The following KHDRBS2 variants were observed in gnomAD, a reference collection of about 807,000 sequenced individuals.
KHDRBS2 encodes the protein KH domain-containing, RNA-binding, signal transduction-associated protein 2.
Under a neutral mutation model 44.3 loss-of-function variants are expected in KHDRBS2, and 26 were observed. The ratio of observed to expected loss-of-function variants is 0.59; its 90% CI spans 0.43 to 0.81. KHDRBS2 has a LOEUF of 0.81. Among genes scored for constraint, KHDRBS2 ranks in the 40% least tolerant of loss-of-function variants. The pLI, the probability that KHDRBS2 is intolerant of heterozygous loss-of-function variation, is 0.00. For missense variants in KHDRBS2, 476 were observed against 433.1 expected (o/e 1.10, Z -0.88); for synonymous variants, 194 against 151.1 (o/e 1.28, Z -2.08).
the KHDRBS2 span, among the ~76,000 whole-genome samples, chr6:61,667,435 T>G: frequency 6.6e-6 from 1 of 151,284 alleles, no homozygotes; most frequent in Non-Finnish European, 1.5e-5. Context: ...AGAAGTATTT[T>G]AAGACCAGAA....
chr6:61,996,761 T>C (rs1224432394), intron 3 of KHDRBS2, among the ~76,000 whole-genome samples: 1 of 152,168 alleles, frequency 6.6e-6, no homozygotes, highest in Admixed American at 6.5e-5. Context: ...TAAATAAACA[T>C]ACACACTCTC....
At chr6:61,668,456 T>C in the KHDRBS2 span, among the ~76,000 whole-genome samples, 6 of 151,060 alleles carry the variant, frequency 4.0e-5, no homozygotes, top group African/African-American at 1.5e-4. Flanking sequence ...AAGTGTGTAA[T>C]GGTCTAAGAA....
intron 7 of KHDRBS2, among the ~76,000 whole-genome samples, chr6:61,713,029 T>C (rs1770790703): frequency 1.3e-5 from 2 of 151,736 alleles, no homozygotes; most frequent in South Asian, 4.1e-4. Context: ...ATGATTTATA[T>C]CTTGCTTAGT....
the KHDRBS2 span, among the ~76,000 whole-genome samples, chr6:61,600,110 G>C: frequency 6.6e-6 from 1 of 152,088 alleles, no homozygotes; most frequent in Non-Finnish European, 1.5e-5. Context: ...GACAAATAGT[G>C]ATTTATTTAT....
chr6:62,225,650 C>T (rs1316566055), intron 1 of KHDRBS2, among the ~76,000 whole-genome samples: 2 of 152,114 alleles, frequency 1.3e-5, no homozygotes, highest in Admixed American at 1.3e-4. Context: ...TTAAGCCCTG[C>T]ATGCATTAGC....
intron 6 of KHDRBS2, among the ~76,000 whole-genome samples, chr6:61,872,848 A>C (rs1798862829): frequency 1.3e-5 from 2 of 152,150 alleles, no homozygotes; most frequent in Admixed American, 1.3e-4. Flanking sequence ...AGAAAGAAAA[A>C]CAGAGACCAG....
intron 4 of KHDRBS2, among the ~76,000 whole-genome samples, chr6:61,952,271 C>G (rs1443291429): frequency 5.9e-5 from 9 of 152,000 alleles, no homozygotes; most frequent in Admixed American, 4.6e-4. Context: ...GGGAGCTACA[C>G]AGGTCAGAAG....
At chr6:61,603,448 C>T in the KHDRBS2 span, among the ~76,000 whole-genome samples, 1 of 152,174 alleles carries the variant, frequency 6.6e-6, no homozygotes, top group Non-Finnish European at 1.5e-5. Flanking sequence ...AGCAAATTAC[C>T]TGGGCTGTAT....
intron 6 of KHDRBS2, among the ~76,000 whole-genome samples, chr6:61,822,428 G>A (rs1022570447): frequency 2.0e-5 from 3 of 151,774 alleles, no homozygotes; most frequent in African/African-American, 7.3e-5. Context: ...CTCAACTCCA[G>A]TACCTTCAGC....
At chr6:62,004,935 C>A (rs1482839900) in intron 3 of KHDRBS2, among the ~76,000 whole-genome samples, 1 of 152,112 alleles carries the variant, frequency 6.6e-6, no homozygotes, top group Non-Finnish European at 1.5e-5. Context: ...TCAACAGATG[C>A]AGAAAAGGCC....
rs540987542 is a variant in KHDRBS2, at chr6:61,932,201, G to A, written c.484-30830C>T. The stretch of plus-strand genomic sequence containing the variant: ...ACCCCTAAGCCCCTATGTTGTTTAA[G>A]GGTCAACTATACATATACATTGTGG... On this transcript the variant is annotated intron_variant, in intron 4 of 8. Coordinates refer to ENST00000281156, the MANE Select transcript of KHDRBS2 (RefSeq NM_152688.4). Among the ~76,000 whole-genome samples the A allele has an allele frequency of 5.9e-5, 9 of 152,124 alleles. No homozygotes were observed. In the South Asian group the frequency reaches 1.5e-3, roughly 25 times the overall value.
chr6:61,890,417 A>G (rs1470008581), intron 6 of KHDRBS2, among the ~76,000 whole-genome samples: 1 of 152,178 alleles, frequency 6.6e-6, no homozygotes, highest in African/African-American at 2.4e-5. Flanking sequence ...CTCTTGACTC[A>G]TATTCTACTG....
intron 4 of KHDRBS2, among the ~76,000 whole-genome samples, chr6:61,969,200 G>C (rs937250066): frequency 6.6e-6 from 1 of 151,992 alleles, no homozygotes; most frequent in African/African-American, 2.4e-5. Context: ...GTTGCTCATA[G>C]AACTTAAGGT....
intron 1 of KHDRBS2, among the ~76,000 whole-genome samples, chr6:62,183,491 C>T (rs375425467): frequency 6.6e-6 from 1 of 151,448 alleles, no homozygotes; most frequent in African/African-American, 2.4e-5. Context: ...GGGTGAATTA[C>T]ATGGTCTTCC....
At chr6:61,759,149 TCA>T (rs1350666422) in intron 6 of KHDRBS2, among the ~76,000 whole-genome samples, 1 of 152,154 alleles carries the variant, frequency 6.6e-6, no homozygotes, top group African/African-American at 2.4e-5. Context: ...AAATGAATAG[TCA>T]CTATTTCTTT....
rs201210770 is a variant in KHDRBS2 at position 61,732,735 on chromosome 6, A to C, written c.840T>G (p.Tyr280Ter). ...CATAAGTCTCATAGGTCTGGTCATCATATTCACCCCCGTAGCCATCATCAT... is the reference window on the plus strand; with the variant it reads ...CATAAGTCTCATAGGTCTGGTCATCCTATTCACCCCCGTAGCCATCATCAT... ...YGYDDGYGGEYDDQTYETYDN... is the reference protein window; with the variant it reads ...YGYDDGYGGE The change falls in exon 7 of 9, where the codon TAT becomes TAG. Residue 280 changes from tyrosine to a stop codon, truncating the protein, a stop_gained. Coordinates refer to ENST00000281156, the MANE Select transcript of KHDRBS2 (RefSeq NM_152688.4). LOFTEE classifies it high-confidence loss of function. 1 of 1,610,992 alleles carries C rather than the reference A, an allele frequency of 6.2e-7. No individual in the cohort carries two copies. Among genetic ancestry groups the C allele is most frequent in the Non-Finnish European group, 8.5e-7 (1 of 1,177,274 alleles).
Position 62,058,613 on chromosome 6 carries a change from C to A in KHDRBS2, c.220-10619G>T, listed in dbSNP as rs369678153. 1.7e-4 allele frequency among the ~76,000 whole-genome samples: 26 copies of A among 151,942 alleles called. No individual in the cohort carries two copies. The South Asian group carries it at 5.0e-3, about 29-fold the overall frequency. ...TCTTGTATAAATAGAGAGGAAATGA[C>A]AACATTTCAGGTATTCATAGTACCA... On this transcript the variant is annotated intron_variant, in intron 2 of 8. Transcript: ENST00000281156.
chr6:61,596,025 A>G, the KHDRBS2 span, among the ~76,000 whole-genome samples: 1 of 152,160 alleles, frequency 6.6e-6, no homozygotes, highest in East Asian at 1.9e-4. Flanking sequence ...TTCTGAATTC[A>G]CACACCAGGT....
intron 6 of KHDRBS2, among the ~76,000 whole-genome samples, chr6:61,767,294 T>C (rs1321300967): frequency 1.3e-5 from 2 of 152,116 alleles, no homozygotes; most frequent in Non-Finnish European, 2.9e-5. Context: ...TTTTTTGGAT[T>C]CCATTTGCAT....
Sources: gnomAD v4.1 joint callset for allele counts (sites outside exome capture counted in the v4.1 genomes callset) on GRCh38, gnomAD v4.1.1 for gene constraint, MANE v1.5 for transcripts, NCBI Gene and HGNC (gene_info 2026-07-23, HGNC 2026-07-21) for gene names.